Variants in DKK3 observed in about 807,000 individuals in gnomAD.
DKK3 encodes dickkopf-related protein 3.
Under a neutral mutation model 33.2 loss-of-function variants are expected in DKK3, and 22 were observed. That is an observed-to-expected ratio of 0.66 (90% CI 0.47 to 0.95). The LOEUF is 0.95. DKK3 is among the 40% of genes least tolerant of loss of function. DKK3 has a pLI of 0.00. For missense variants in DKK3, 398 were observed against 458.4 expected (o/e 0.87, Z 1.20); for synonymous variants, 194 against 188.8 (o/e 1.03, Z -0.23).
intron 1 of DKK3, among the ~76,000 whole-genome samples, chr11:12,004,682 C>T (rs1445860433): frequency 6.6e-6 from 1 of 152,168 alleles, no homozygotes; most frequent in Non-Finnish European, 1.5e-5. Context: ...TAGGGATGTC[C>T]TACTTTGTTG....
At chr11:11,995,920 G>A (rs564114729) in intron 3 of DKK3, among the ~76,000 whole-genome samples, 10 of 152,304 alleles carry the variant, frequency 6.6e-5, no homozygotes, top group East Asian at 5.8e-4. Flanking sequence ...CACATACTGC[G>A]TGCAATTTCT....
chr11:11,967,804 C>G (rs79043041), intron 4 of DKK3, among the ~76,000 whole-genome samples: 4,731 of 152,360 alleles, frequency 0.031, 94 homozygotes, highest in African/African-American at 0.056. Flanking sequence ...ATTTCCCAAT[C>G]TAACCTGCAC....
At chr11:12,000,756 T>C (rs1682519583) in intron 2 of DKK3, among the ~76,000 whole-genome samples, 1 of 151,880 alleles carries the variant, frequency 6.6e-6, no homozygotes, top group South Asian at 2.1e-4. Context: ...TAACCTCAAG[T>C]GATCCTCCCA....
intron 3 of DKK3, among the ~76,000 whole-genome samples, chr11:11,988,568 C>A (rs965209670): frequency 6.6e-6 from 1 of 152,208 alleles, no homozygotes; most frequent in Admixed American, 6.5e-5. Context: ...ACCATCATCA[C>A]CACAAAACCT....
At chr11:11,977,460 G>C (rs1425946104) in intron 3 of DKK3, among the ~76,000 whole-genome samples, 1 of 151,516 alleles carries the variant, frequency 6.6e-6, no homozygotes, top group East Asian at 2.0e-4. Context: ...TTCAGCCTGA[G>C]TGGCATTTCC....
rs1033517532 is a variant in DKK3, at chr11:12,008,333, C to A, written c.213+37G>T. The A allele has an allele frequency of 1.3e-6, 2 of 1,577,734 alleles. No homozygotes were observed. Among genetic ancestry groups the A allele is most frequent in the African/African-American group, 1.4e-5 (1 of 74,014 alleles). On this transcript the variant is annotated intron_variant, in intron 1 of 6. Transcript: ENST00000683431. The surrounding 1 kb of genome is among the most constrained non-coding windows in gnomAD (Gnocchi z 4.6). ...CCAGACTTCGCTGCCCCCAGTCTGG[C>A]GCTTCTCAGAGCCCCGCGCCGCCAG...
In DKK3 at chr11:12,008,301, T is replaced by C; in HGVS notation, c.213+69A>G. ...GAGGTCCCTGGCCAGCGCTCTTCCA[T>C]GCCTTCCCAGACTTCGCTGCCCCCA... On this transcript the variant is annotated intron_variant, in intron 1 of 6. Coordinates refer to ENST00000683431, the MANE Select transcript of DKK3 (RefSeq NM_001018057.2). This position sits in a 1 kb window ranked among gnomAD's most constrained non-coding sequence, Gnocchi z 4.6. The C allele has an allele frequency of 1.3e-6, 2 of 1,520,630 alleles. No homozygotes were observed. Among genetic ancestry groups the C allele is most frequent in the South Asian group, 1.3e-5 (1 of 79,546 alleles). The allele number at this position is 1,520,630 out of a possible 1,614,324, so 94.2% of individuals were successfully genotyped here.
chr11:11,978,744 T>G (rs1323132206), intron 3 of DKK3: 1 of 152,206 alleles, frequency 6.6e-6, no homozygotes, highest in Admixed American at 6.5e-5. Context: ...CATGAAACAA[T>G]CATAGCCATA....
chr11:11,985,036 A>G (rs1290287247), intron 3 of DKK3, among the ~76,000 whole-genome samples: 1 of 152,192 alleles, frequency 6.6e-6, no homozygotes, highest in African/African-American at 2.4e-5. Context: ...TTTTGCTCAC[A>G]AGAGGCCACG....
Position 11,964,646 on chromosome 11 carries a change from T to C in DKK3, c.871A>G (p.Ser291Gly). The part of the protein sequence containing the change: ...VYVCKPTFVG[S>G]RDQDGEILLP... ...AGGATCTCCCCATCTTGGTCACGGC[T>C]CCCCACGAAGGTCGGCTTGCACACA... is the stretch of plus-strand genomic sequence containing the variant. The change falls in exon 7 of 7, where the codon AGC becomes GGC. Residue 291 changes from serine (S) to glycine (G), a missense_variant. Ser to Gly is a moderately conservative substitution (Grantham distance 56). Coordinates refer to ENST00000683431, the MANE Select transcript of DKK3 (RefSeq NM_001018057.2). The C allele has an allele frequency of 6.2e-7, 1 of 1,613,976 alleles. No individual in the cohort carries two copies. Among genetic ancestry groups the C allele is most frequent in the Non-Finnish European group, 8.5e-7 (1 of 1,179,988 alleles).
intron 3 of DKK3, among the ~76,000 whole-genome samples, chr11:11,982,033 C>T (rs556326250): frequency 6.6e-6 from 1 of 152,292 alleles, no homozygotes; most frequent in East Asian, 1.9e-4. Context: ...GAGGAAAGCA[C>T]CACCCCCATT....
At chr11:11,985,858 G>A (rs748063776) in intron 3 of DKK3, among the ~76,000 whole-genome samples, 12 of 152,236 alleles carry the variant, frequency 7.9e-5, no homozygotes, top group Non-Finnish European at 5.9e-5. Flanking sequence ...GGGGATGCGG[G>A]GAGAGGAGAG....
At chr11:11,974,518 A>G (rs1847791916) in intron 3 of DKK3, among the ~76,000 whole-genome samples, 1 of 152,226 alleles carries the variant, frequency 6.6e-6, no homozygotes, top group South Asian at 2.1e-4. Flanking sequence ...AAGAAAGGGC[A>G]AGAGAAAAGG....
intron 3 of DKK3, chr11:11,968,773 G>T (rs180972267): frequency 6.6e-6 from 2 of 301,430 alleles, no homozygotes; most frequent in Non-Finnish European, 1.2e-5. Flanking sequence ...CACCCAGGGC[G>T]GGAGCACAGG....
intron 3 of DKK3, among the ~76,000 whole-genome samples, chr11:11,988,062 A>T (rs1848108265): frequency 6.6e-6 from 1 of 152,140 alleles, no homozygotes; most frequent in Non-Finnish European, 1.5e-5. Context: ...GCAGCAACCA[A>T]TGCTCAGAGC....
At chr11:11,974,440 T>C (rs1200539167) in intron 3 of DKK3, among the ~76,000 whole-genome samples, 1 of 152,126 alleles carries the variant, frequency 6.6e-6, no homozygotes, top group Non-Finnish European at 1.5e-5. Context: ...AAGTCCAAGA[T>C]TGAGGAGCCA....
intron 3 of DKK3, among the ~76,000 whole-genome samples, chr11:11,973,468 G>A (rs535436997): frequency 6.6e-6 from 1 of 152,290 alleles, no homozygotes; most frequent in South Asian, 2.1e-4. Context: ...TCATATGGCT[G>A]GAAGACAGCA....
Position 12,008,267 on chromosome 11 carries a change from G to C in DKK3, c.213+103C>G. 7.1e-7 allele frequency: 1 copy of C among 1,411,178 alleles called. No individual in the cohort carries two copies. The allele number at this position is 1,411,178 out of a possible 1,614,324, so 87.4% of individuals were successfully genotyped here. ...GCTGTCGGCCCTTCCCAGGCCCTGC[G>C]CGGGACCCGAGGTCCCTGGCCAGCG... On this transcript the variant is annotated intron_variant, in intron 1 of 6. Transcript: ENST00000683431. This position sits in a 1 kb window ranked among gnomAD's most constrained non-coding sequence, Gnocchi z 4.6.
At position 11,965,794 on chromosome 11, in the gene DKK3, G is replaced by A; in HGVS notation, c.830+15C>T. 1 of 1,613,068 alleles carries A rather than the reference G, an allele frequency of 6.2e-7. No homozygotes were observed. Among genetic ancestry groups the A allele is most frequent in the South Asian group, 1.1e-5 (1 of 91,022 alleles). ...AGCCCTTGGCTCCCTGAGAGTGAGG[G>A]TTAGGGGGCCTCACCTGTGGGGCTG... On this transcript the variant is annotated intron_variant, in intron 6 of 6. Coordinates refer to ENST00000683431, the MANE Select transcript of DKK3 (RefSeq NM_001018057.2).
Sources: gnomAD v4.1 joint callset for allele counts (sites outside exome capture counted in the v4.1 genomes callset) on GRCh38, gnomAD v4.1.1 for gene constraint, Gnocchi (gnomAD v3.1) non-coding constraint, MANE v1.5 for transcripts, NCBI Gene and HGNC (gene_info 2026-07-23, HGNC 2026-07-21) for gene names.